NRF1: variants seen among roughly 807,000 people sequenced by gnomAD.
The protein encoded by NRF1 is alpha palindromic-binding protein.
NRF1 carries 5 observed loss-of-function variants against 58.5 expected under a neutral mutation model. The observed-to-expected ratio is 0.09, with a 90% CI of 0.04 to 0.18. The LOEUF (loss-of-function observed/expected upper bound fraction) is 0.18. Among genes scored for constraint, NRF1 ranks in the 10% least tolerant of loss-of-function variants. The pLI is 1.00. For missense variants in NRF1, 288 were observed against 657.7 expected, an observed-to-expected ratio of 0.44 and a Z score of 6.15; for synonymous variants, 224 against 246.7, an observed-to-expected ratio of 0.91 and a Z score of 0.86.
chr7:129,672,554 G>C (rs1230659928), intron 3 of NRF1, among the ~76,000 whole-genome samples: 2 of 152,166 alleles, frequency 1.3e-5, no homozygotes, highest in African/African-American at 4.8e-5. Context: ...AGAAATGATA[G>C]TGTCTTAAAA....
At chr7:129,619,939 C>T (rs777600324) in intron 1 of NRF1, among the ~76,000 whole-genome samples, 2 of 151,716 alleles carry the variant, frequency 1.3e-5, no homozygotes, top group Non-Finnish European at 2.9e-5. Context: ...ACCCTGAATC[C>T]CTTAAAATTG....
rs1370272568 is a variant in NRF1, at chr7:129,756,959, T to C, written c.*1778T>C. 1.3e-5 allele frequency: 2 copies of C among 152,584 alleles called. No individual in the cohort carries two copies. The highest frequency in any genetic ancestry group is 2.9e-5 in the Non-Finnish European group (2 of 68,024). 9.5% of individuals were successfully genotyped at this position (152,584 alleles called of 1,614,324 possible). Reference sequence around the variant, plus strand: ...TGTGGTGAAATAACCTCCAAATAGTTTGAGAAGTTGCCAAGACGAAGAAAA... The same window carrying C: ...TGTGGTGAAATAACCTCCAAATAGTCTGAGAAGTTGCCAAGACGAAGAAAA... On this transcript the variant is annotated 3_prime_UTR_variant, in exon 11 of 11. Transcript: ENST00000393232.
At chr7:129,751,189 CA>C (rs1203273329) in intron 10 of NRF1, among the ~76,000 whole-genome samples, 3 of 152,206 alleles carry the variant, frequency 2.0e-5, no homozygotes, top group African/African-American at 7.2e-5. Flanking sequence ...TGGAGAACCT[CA>C]GTCAAGTAGT....
At chr7:129,681,872 G>A (rs1802318720) in intron 4 of NRF1, among the ~76,000 whole-genome samples, 1 of 151,630 alleles carries the variant, frequency 6.6e-6, no homozygotes, top group Non-Finnish European at 1.5e-5. Context: ...GATTGCTTGA[G>A]GCCAAGAGTT....
rs139756267 is a variant in NRF1 at position 129,739,375 on chromosome 7, AC to A, written c.1348+12011del. Among the ~76,000 whole-genome samples the A allele has an allele frequency of 2.1e-3, 316 of 151,932 alleles. 1 individual carries two copies. The highest frequency in any genetic ancestry group is 7.4e-3 in the African/African-American group (308 of 41,416). ...TGTGTAGATACAGAACATGTCTATC[AC>A]TGAAGACAGTTCTATTGGGTGGTGC... On this transcript the variant is annotated intron_variant, in intron 10 of 10. Coordinates refer to ENST00000393232, the MANE Select transcript of NRF1 (RefSeq NM_005011.5).
chr7:129,668,707 CATTA>C (rs1801975813), intron 2 of NRF1, among the ~76,000 whole-genome samples: 1 of 152,136 alleles, frequency 6.6e-6, no homozygotes, highest in African/African-American at 2.4e-5. Flanking sequence ...AATCTAGAAA[CATTA>C]TTCTAAGTGA....
rs535120859 is a variant in NRF1, at chr7:129,741,153, C to T, written c.1348+13788C>T. Among the ~76,000 whole-genome samples, 1 of 152,194 alleles carries T rather than the reference C, an allele frequency of 6.6e-6. No homozygotes were observed. The highest frequency in any genetic ancestry group is 2.1e-4 in the South Asian group (1 of 4,824). ...GTTGGGTATTCTCAGCTTGGGGAAA[C>T]TCAATGAGCCAGCACACCATCCTAT... On this transcript the variant is annotated intron_variant, in intron 10 of 10. Coordinates refer to ENST00000393232, the MANE Select transcript of NRF1 (RefSeq NM_005011.5). The surrounding 1 kb of genome is among the most constrained non-coding windows in gnomAD (Gnocchi z 4.0).
chr7:129,625,819 C>T lies in NRF1; in HGVS notation c.-7+13995C>T, dbSNP rs569130598. 3.6e-4 allele frequency among the ~76,000 whole-genome samples: 55 copies of T among 151,394 alleles called. 1 individual carries two copies. The highest frequency in any genetic ancestry group is 3.5e-3 in the South Asian group (17 of 4,806). ...GCCTCAGCCTCCCGAGTAGCTGGGA[C>T]GTCGGGTGCCTGCCACCACACCTGG... On this transcript the variant is annotated intron_variant, in intron 1 of 10. Transcript: ENST00000393232.
rs1803851265 is a variant in NRF1 at position 129,741,767 on chromosome 7, C to T, written c.1349-13251C>T. ...AACTCTAATAGCTTGTCCCTCGCAG[C>T]CAGGATGGTTTGGGGCCCTCTGGCT... is the stretch of plus-strand genomic sequence containing the variant. On this transcript the variant is annotated intron_variant, in intron 10 of 10. Coordinates refer to ENST00000393232, the MANE Select transcript of NRF1 (RefSeq NM_005011.5). The surrounding 1 kb of genome is among the most constrained non-coding windows in gnomAD (Gnocchi z 4.0). Among the ~76,000 whole-genome samples the T allele has an allele frequency of 6.6e-6, 1 of 152,158 alleles. No individual in the cohort carries two copies. Among genetic ancestry groups the T allele is most frequent in the African/African-American group, 2.4e-5 (1 of 41,422 alleles).
At chr7:129,677,007 A>ATTTTTTTTTTTTTTTTTTT (rs56059756) in intron 3 of NRF1, among the ~76,000 whole-genome samples, 1 of 113,546 alleles carries the variant, frequency 8.8e-6, no homozygotes, top group Non-Finnish European at 1.7e-5. Flanking sequence ...TCTTGGTTGC[A>ATTTTTTTTTTTTTTTTTTT]TTTTTTTTTT....
intron 5 of NRF1, 30 bp downstream of exon 5, chr7:129,690,576 A>G (rs1405089554): frequency 6.2e-7 from 1 of 1,613,076 alleles, no homozygotes; most frequent in African/African-American, 1.3e-5. Context: ...GAGGAGACTC[A>G]AAGACAAGTG....
intron 10 of NRF1, among the ~76,000 whole-genome samples, chr7:129,746,575 T>G (rs745933999): frequency 1.1e-4 from 16 of 152,190 alleles, no homozygotes; most frequent in East Asian, 1.9e-4. Flanking sequence ...AGGACTTCCT[T>G]CCTGCCTGTC....
intron 4 of NRF1, among the ~76,000 whole-genome samples, chr7:129,686,005 G>A (rs1802435131): frequency 6.6e-6 from 1 of 151,394 alleles, no homozygotes; most frequent in Non-Finnish European, 1.5e-5. Context: ...AGGAGGCTGA[G>A]GCAGGAGAAT....
intron 1 of NRF1, 137 bp from the exon 2 acceptor site, chr7:129,657,209 C>T (rs751103755): frequency 7.9e-6 from 5 of 629,826 alleles, no homozygotes; most frequent in Non-Finnish European, 1.4e-5. Context: ...TTTCCTGTGA[C>T]TTGGTGTGGC....
chr7:129,612,403 C>T (rs1362915928), intron 1 of NRF1, among the ~76,000 whole-genome samples: 1 of 152,204 alleles, frequency 6.6e-6, no homozygotes, highest in Non-Finnish European at 1.5e-5. Context: ...AGCTTCCCTC[C>T]TGCCGGGGTG....
At chr7:129,754,973 A>G in intron 10 of NRF1, 45 bp from the exon 11 acceptor site, 1 of 1,499,710 alleles carries the variant, frequency 6.7e-7, no homozygotes, top group East Asian at 2.6e-5. Context: ...GCATCTGGGA[A>G]CTTGAGCCTG....
In NRF1 at chr7:129,683,306, T is replaced by A. The variant is rs550561515; in HGVS notation, c.465+5548T>A. Among the ~76,000 whole-genome samples the A allele has an allele frequency of 6.1e-3, 872 of 142,378 alleles. 10 individuals are homozygous for A. The highest frequency in any genetic ancestry group is 0.023 in the African/African-American group (839 of 37,208). The allele number at this position is 142,378 out of a possible 152,430, so 93.4% of individuals were successfully genotyped here. A position where few individuals can be genotyped will look rare whatever the true frequency, so the allele number is the denominator to read the frequency against. On this transcript the variant is annotated intron_variant, in intron 4 of 10. Transcript: ENST00000393232. ...TGTGGAGAGTGTGTGTGTGTGTGTG[T>A]GTGTGTGTGTGTGTGAGAGAGAGAG...
chr7:129,637,603 T>C (rs1403459937), intron 1 of NRF1, among the ~76,000 whole-genome samples: 1 of 152,224 alleles, frequency 6.6e-6, no homozygotes, highest in Non-Finnish European at 1.5e-5. Context: ...TGAAATTATT[T>C]TGTTTGTCCA....
rs907891522 is a variant in NRF1 at position 129,654,646 on chromosome 7, A to G, written c.-6-2700A>G. Among the ~76,000 whole-genome samples the G allele has an allele frequency of 5.9e-5, 9 of 152,300 alleles. No individual in the cohort carries two copies. The South Asian group carries it at 1.2e-3, about 21-fold the overall frequency. On this transcript the variant is annotated intron_variant, in intron 1 of 10. Transcript: ENST00000393232. ...TTTGTATCAGTTTTTGTGAAGGTCT[A>G]TGTCTAGATTTCATTTTTTTGATGT...
Sources: allele counts gnomAD v4.1 joint callset (sites outside exome capture counted in the v4.1 genomes callset), GRCh38; gene constraint gnomAD v4.1.1; non-coding constraint Gnocchi (gnomAD v3.1); transcripts MANE v1.5; gene names NCBI Gene and HGNC (gene_info 2026-07-23, HGNC 2026-07-21).